Variants in CSMD1 observed in about 807,000 individuals in gnomAD.
CSMD1 encodes the protein CUB and sushi domain-containing protein 1.
A neutral mutation model predicts 417.5 loss-of-function variants in CSMD1; 213 were observed. The ratio of observed to expected loss-of-function variants is 0.51; its 90% CI spans 0.46 to 0.57. CSMD1 has a LOEUF of 0.57. Ranked by LOEUF, CSMD1 falls within the 20% of genes least tolerant of loss-of-function variation. The probability of loss-of-function intolerance (pLI) is 0.00; values close to 1 mark genes in which losing one functional copy is unlikely to be tolerated. For synonymous variants in CSMD1, 2,862 were observed against 1,736.8 expected (o/e 1.65, Z -16.11); for missense variants, 6,923 against 4,529.7 (o/e 1.53, Z -15.17).
At chr8:3,557,464 G>C (rs562840366) in intron 10 of CSMD1, among the ~76,000 whole-genome samples, 2 of 152,294 alleles carry the variant, frequency 1.3e-5, no homozygotes, top group East Asian at 1.9e-4. Context: ...TTAGACATAG[G>C]CTTCCTTGAA....
intron 1 of CSMD1, among the ~76,000 whole-genome samples, chr8:4,744,502 T>G (rs1258841959): frequency 1.3e-5 from 2 of 152,208 alleles, no homozygotes; most frequent in Non-Finnish European, 2.9e-5. Flanking sequence ...GCATAGGTTT[T>G]TCTTTGTGAT....
rs56926737 is a variant in CSMD1 at position 4,372,422 on chromosome 8, T to C, written c.415+47531A>G. On this transcript the variant is annotated intron_variant, in intron 3 of 69. Transcript: ENST00000635120. ...AATCATTTCATCTGTATTTGACATA[T>C]ATTTTTGTATACCATGAATTAGTGA... Among the ~76,000 whole-genome samples the C allele has an allele frequency of 5.8e-3, 878 of 152,234 alleles. 8 individuals carry two copies. The highest frequency in any genetic ancestry group is 0.02 in the African/African-American group (841 of 41,518).
intron 17 of CSMD1, among the ~76,000 whole-genome samples, chr8:3,392,444 G>C (rs1585096618): frequency 1.3e-5 from 2 of 151,932 alleles, no homozygotes; most frequent in Non-Finnish European, 2.9e-5. Flanking sequence ...TGGATGAAGG[G>C]GTTGGTAGCA....
intron 3 of CSMD1, among the ~76,000 whole-genome samples, chr8:4,161,768 G>A (rs753694460): frequency 2.6e-5 from 4 of 152,236 alleles, no homozygotes; most frequent in Admixed American, 2.0e-4. Context: ...CAAGGAATCA[G>A]ATATTTTGAA....
intron 3 of CSMD1, among the ~76,000 whole-genome samples, chr8:4,374,332 TTTTC>T (rs1218706067): frequency 3.3e-5 from 5 of 152,182 alleles, no homozygotes; most frequent in African/African-American, 4.8e-5. Flanking sequence ...AATGTAATCT[TTTTC>T]TTTATTTTCA....
At chr8:4,510,525 T>A (rs114808076) in intron 2 of CSMD1, among the ~76,000 whole-genome samples, 2 of 149,584 alleles carry the variant, frequency 1.3e-5, no homozygotes, top group African/African-American at 4.9e-5. Context: ...CTTAGGTGAG[T>A]CTCTTCCCTA....
chr8:3,520,039 T>TATATATATATATATATACACAC (rs545212684), intron 10 of CSMD1, among the ~76,000 whole-genome samples: 9 of 147,110 alleles, frequency 6.1e-5, no homozygotes, highest in South Asian at 2.1e-4. Context: ...TATATATATA[T>TATATATATATATATATACACAC]ACACGTATAG....
chr8:4,585,642 G>A (rs1043017759), intron 2 of CSMD1, among the ~76,000 whole-genome samples: 4 of 151,994 alleles, frequency 2.6e-5, no homozygotes, highest in African/African-American at 7.2e-5. Context: ...TGGCAAAGAA[G>A]CAACAATAAA....
At chr8:2,992,726 A>G (rs1389659256) in intron 54 of CSMD1, among the ~76,000 whole-genome samples, 1 of 151,648 alleles carries the variant, frequency 6.6e-6, no homozygotes, top group African/African-American at 2.4e-5. Flanking sequence ...TGCCCAGCAA[A>G]CTAGGTCTAG....
intron 1 of CSMD1, among the ~76,000 whole-genome samples, chr8:4,723,045 C>T (rs1673703972): frequency 6.6e-6 from 1 of 152,072 alleles, no homozygotes; most frequent in Non-Finnish European, 1.5e-5. Context: ...CTTGGCAAAA[C>T]AGTATTGATC....
intron 5 of CSMD1, among the ~76,000 whole-genome samples, chr8:3,911,003 T>A (rs1467720657): frequency 6.6e-6 from 1 of 152,284 alleles, no homozygotes; most frequent in South Asian, 2.1e-4. Context: ...TGTGGCCAAG[T>A]CCTACTTATT....
At chr8:3,850,271 A>G (rs190509699) in intron 5 of CSMD1, among the ~76,000 whole-genome samples, 6 of 152,330 alleles carry the variant, frequency 3.9e-5, no homozygotes, top group Admixed American at 3.9e-4. Context: ...GATAGAATCA[A>G]TATGTGCACA....
chr8:3,650,156 G>A (rs1411069637), intron 7 of CSMD1, among the ~76,000 whole-genome samples: 3 of 152,152 alleles, frequency 2.0e-5, no homozygotes, highest in East Asian at 3.9e-4. Flanking sequence ...GTGGGTGTCT[G>A]TAATCCCAGC....
At chr8:3,702,904 G>A (rs1800949335) in intron 7 of CSMD1, among the ~76,000 whole-genome samples, 1 of 152,196 alleles carries the variant, frequency 6.6e-6, no homozygotes, top group African/African-American at 2.4e-5. Context: ...AGAATAAAGA[G>A]CAGTTCACCA....
At chr8:3,622,972 A>G (rs1796328258) in intron 7 of CSMD1, among the ~76,000 whole-genome samples, 1 of 152,230 alleles carries the variant, frequency 6.6e-6, no homozygotes, top group African/African-American at 2.4e-5. Context: ...ATATCTTTTC[A>G]GATCTCATAG....
intron 1 of CSMD1, among the ~76,000 whole-genome samples, chr8:4,919,157 C>T (rs79628469): frequency 0.025 from 3,736 of 152,220 alleles, 78 homozygotes; most frequent in Middle Eastern, 0.041. Context: ...CAGTTAAAAT[C>T]ACTAAAGTAA....
At chr8:3,509,497 C>A (rs1796973774) in intron 10 of CSMD1, among the ~76,000 whole-genome samples, 1 of 152,152 alleles carries the variant, frequency 6.6e-6, no homozygotes, top group Non-Finnish European at 1.5e-5. Context: ...ATTTCAGCTT[C>A]CTCATCTTTA....
chr8:4,148,833 CT>C (rs1312584169), intron 3 of CSMD1, among the ~76,000 whole-genome samples: 1 of 152,208 alleles, frequency 6.6e-6, no homozygotes, highest in Non-Finnish European at 1.5e-5. Context: ...CTCATGCTGC[CT>C]TTGGCTTGTG....
intron 3 of CSMD1, among the ~76,000 whole-genome samples, chr8:4,036,645 A>C (rs1271449764): frequency 6.6e-6 from 1 of 152,230 alleles, no homozygotes. Context: ...AAAAAACTAG[A>C]CATCAATGGA....
Sources: allele counts gnomAD v4.1 joint callset (sites outside exome capture counted in the v4.1 genomes callset), GRCh38; gene constraint gnomAD v4.1.1; transcripts MANE v1.5; gene names NCBI Gene and HGNC (gene_info 2026-07-23, HGNC 2026-07-21).